SLC25A29: variants seen among roughly 807,000 people sequenced by gnomAD.
SLC25A29 encodes mitochondrial basic amino acids transporter.
SLC25A29 carries 13 observed loss-of-function variants against 10.0 expected under a neutral mutation model. The observed-to-expected ratio is 1.30, with a 90% confidence interval of 0.85 to 2.07. The LOEUF (loss-of-function observed/expected upper bound fraction) is 2.07. Ranked by LOEUF, SLC25A29 falls within the 30% of genes most tolerant of loss-of-function variation. SLC25A29 has a pLI of 0.00. For synonymous variants in SLC25A29, 244 were observed against 221.1 expected, an observed-to-expected ratio of 1.10 and a Z score of -0.92; for missense variants, 475 against 447.6, an observed-to-expected ratio of 1.06 and a Z score of -0.55.
chr14:100,293,082 C>T, intron 3 of SLC25A29, 50 bp from the exon 4 acceptor site: 7 of 1,479,548 alleles, frequency 4.7e-6, no homozygotes, highest in Non-Finnish European at 6.3e-6. Context: ...CCTCCCGGGC[C>T]CTCCACGCGG....
chr14:100,286,272 G>A (rs1891540469), downstream of SLC25A29, among the ~76,000 whole-genome samples: 1 of 152,160 alleles, frequency 6.6e-6, no homozygotes, highest in South Asian at 2.1e-4. Context: ...GGTAGAGGTT[G>A]GGGAGATAAA....
At chr14:100,289,801 C>CAGGA (rs1365212138), downstream of SLC25A29, among the ~76,000 whole-genome samples, 1 of 128,370 alleles carries the variant, frequency 7.8e-6, no homozygotes, top group Non-Finnish European at 1.5e-5. Flanking sequence ...GAAAGAGCAC[C>CAGGA]ACTGCACTCC....
At chr14:100,286,286 G>C (rs1891540699), downstream of SLC25A29, among the ~76,000 whole-genome samples, 1 of 152,172 alleles carries the variant, frequency 6.6e-6, no homozygotes, top group South Asian at 2.1e-4. Flanking sequence ...AGATAAACAA[G>C]AAACCGGCCA....
At chr14:100,294,873 C>G (rs984455146) in intron 2 of SLC25A29, 21 of 152,214 alleles carry the variant, frequency 1.4e-4, no homozygotes, top group Admixed American at 6.5e-5. Context: ...CAAGATTGGC[C>G]CGAAGCACCC....
downstream of SLC25A29, among the ~76,000 whole-genome samples, chr14:100,288,891 A>T (rs952962241): frequency 6.6e-6 from 1 of 152,174 alleles, no homozygotes; most frequent in Non-Finnish European, 1.5e-5. Context: ...CAGGCAACTG[A>T]ATTTGGCCTG....
chr14:100,296,040 C>T, intron 2 of SLC25A29: 1 of 1,283,592 alleles, frequency 7.8e-7, no homozygotes, highest in Non-Finnish European at 1.0e-6. Flanking sequence ...TAGTCTGTGG[C>T]CATGTGACAG....
intron 1 of SLC25A29, among the ~76,000 whole-genome samples, chr14:100,304,116 G>A (rs1378115840): frequency 6.6e-6 from 1 of 152,196 alleles, no homozygotes; most frequent in African/African-American, 2.4e-5. Flanking sequence ...GGGGTGGACA[G>A]TCCCCCTCCC....
At chr14:100,297,914 G>A (rs1352079219) in intron 2 of SLC25A29, 2 of 152,416 alleles carry the variant, frequency 1.3e-5, no homozygotes, top group South Asian at 2.1e-4. Flanking sequence ...ACCTGCACAA[G>A]GCCCAGGGAC....
At chr14:100,305,895 C>CG (rs970942912) in intron 1 of SLC25A29, 20 of 334,720 alleles carry the variant, frequency 6.0e-5, no homozygotes, top group African/African-American at 3.2e-4. Flanking sequence ...GACCTCGGCG[C>CG]GGGGGGCAGT....
chr14:100,295,433 C>T (rs887503556), intron 2 of SLC25A29: 2 of 425,798 alleles, frequency 4.7e-6, no homozygotes, highest in Non-Finnish European at 7.9e-6. Flanking sequence ...GAGACCCCCA[C>T]ATGAGGACCC....
the SLC25A29 span, among the ~76,000 whole-genome samples, chr14:100,283,579 G>A: frequency 2.7e-5 from 4 of 150,028 alleles, no homozygotes; most frequent in African/African-American, 9.8e-5. Flanking sequence ...TCTGCCTCCC[G>A]GGTTCAAGCG....
chr14:100,301,128 T>C (rs1892514540), intron 1 of SLC25A29, among the ~76,000 whole-genome samples: 1 of 151,740 alleles, frequency 6.6e-6, no homozygotes, highest in African/African-American at 2.4e-5. Context: ...GTCGATCTCC[T>C]GACCTTGTGG....
chr14:100,294,953 T>TG (rs1343074479), intron 2 of SLC25A29: 2 of 152,290 alleles, frequency 1.3e-5, no homozygotes, highest in African/African-American at 4.8e-5. Flanking sequence ...TTCAATGTTC[T>TG]GGGGCCTCTG....
chr14:100,293,432 C>G (rs994896468), intron 2 of SLC25A29, 55 bp from the exon 3 acceptor site: 7 of 1,552,792 alleles, frequency 4.5e-6, no homozygotes, highest in Non-Finnish European at 6.2e-6. Flanking sequence ...GCACCCAGCT[C>G]CCGGGTCTGG....
At chr14:100,297,061 C>T (rs1490501475) in intron 2 of SLC25A29, among the ~76,000 whole-genome samples, 3 of 152,018 alleles carry the variant, frequency 2.0e-5, no homozygotes, top group Admixed American at 6.5e-5. Flanking sequence ...AAGCCAAGGT[C>T]GCGCCACTGC....
In SLC25A29 at chr14:100,299,099, G is replaced by A. The variant is rs1892370729; in HGVS notation, c.35-214C>T. 3 of 1,417,986 alleles carry A rather than the reference G, an allele frequency of 2.1e-6. No individual in the cohort carries two copies. In the South Asian group the frequency reaches 4.5e-5, roughly 21 times the overall value. The allele number at this position is 1,417,986 out of a possible 1,614,324, so 87.8% of individuals were successfully genotyped here. On this transcript the variant is annotated intron_variant, in intron 1 of 3. Coordinates refer to ENST00000359232, the MANE Select transcript of SLC25A29 (RefSeq NM_001039355.3). ...TATGCATGTGACATCCCAAGGCCAA[G>A]CCAGCACCTGTCCCACTCAGCACTG... is the stretch of plus-strand genomic sequence containing the variant.
downstream of SLC25A29, among the ~76,000 whole-genome samples, chr14:100,289,715 C>A (rs759051581): frequency 6.6e-6 from 1 of 151,232 alleles, no homozygotes. Context: ...TGGTGGTGCA[C>A]GCCTGTAATC....
chr14:100,288,258 T>C (rs1891584781), downstream of SLC25A29, among the ~76,000 whole-genome samples: 1 of 151,800 alleles, frequency 6.6e-6, no homozygotes, highest in Non-Finnish European at 1.5e-5. Context: ...TTGCTGCGCC[T>C]ATAATCCCAG....
In SLC25A29 at chr14:100,306,438, A is replaced by C; in HGVS notation, c.-206T>G. 1 of 376,034 alleles carries C rather than the reference A, an allele frequency of 2.7e-6. No individual in the cohort carries two copies. Among genetic ancestry groups the C allele is most frequent in the Non-Finnish European group, 4.6e-6 (1 of 218,938 alleles). 23.3% of individuals were successfully genotyped at this position (376,034 alleles called of 1,614,324 possible). Reference sequence around the variant, plus strand: ...CGCGCTGGTCCCTCGGCGGCAGCTGACTCGCTGGATCCCCTCCGGCCCGCG... The same window carrying C: ...CGCGCTGGTCCCTCGGCGGCAGCTGCCTCGCTGGATCCCCTCCGGCCCGCG... On this transcript the variant is annotated 5_prime_UTR_variant, in exon 1 of 4. Transcript: ENST00000359232.
Sources: allele counts gnomAD v4.1 joint callset (sites outside exome capture counted in the v4.1 genomes callset), GRCh38; gene constraint gnomAD v4.1.1; transcripts MANE v1.5; gene names NCBI Gene and HGNC (gene_info 2026-07-23, HGNC 2026-07-21).